TYW3: variants seen among roughly 807,000 people sequenced by gnomAD.
The protein encoded by TYW3 is tRNA wybutosine-synthesizing protein 3 homolog.
TYW3 carries 26 observed loss-of-function variants against 23.1 expected under a neutral mutation model. That is an observed-to-expected ratio of 1.13 (90% CI 0.83 to 1.56). The LOEUF is 1.56. Ranked by LOEUF, TYW3 falls within the 40% of genes most tolerant of loss-of-function variation. The pLI is 0.00. For missense variants in TYW3, 316 were observed against 311.9 expected (o/e 1.01, Z -0.10); for synonymous variants, 102 against 105.7 (o/e 0.97, Z 0.21).
chr1:74,736,388 C>T, intron 1 of TYW3, 154 bp from the exon 2 acceptor site: 4 of 492,870 alleles, frequency 8.1e-6, no homozygotes, highest in Non-Finnish European at 1.4e-5. Context: ...TCTGGGTTAA[C>T]ATTACCCAAA....
intron 5 of TYW3, among the ~76,000 whole-genome samples, chr1:74,755,367 T>C (rs1648917251): frequency 1.3e-5 from 2 of 152,222 alleles, no homozygotes; most frequent in Non-Finnish European, 2.9e-5. Context: ...CCCCTGGTAA[T>C]CACTATTCTA....
At chr1:74,737,594 C>T (rs898197958) in intron 2 of TYW3, among the ~76,000 whole-genome samples, 2 of 152,108 alleles carry the variant, frequency 1.3e-5, no homozygotes, top group African/African-American at 2.4e-5. Flanking sequence ...GAAGGCAGGA[C>T]GATGTTGCCC....
At chr1:74,745,192 A>C (rs1039071229) in intron 3 of TYW3, among the ~76,000 whole-genome samples, 15 of 152,346 alleles carry the variant, frequency 9.8e-5, no homozygotes, top group Admixed American at 9.8e-4. Context: ...GTTACAGCTC[A>C]TAAGGGTAGT....
chr1:74,740,172 C>T (rs756144169), intron 3 of TYW3, among the ~76,000 whole-genome samples: 12 of 152,128 alleles, frequency 7.9e-5, no homozygotes, highest in African/African-American at 1.2e-4. Flanking sequence ...CAGATGTGTC[C>T]GGAGTTTCTT....
intron 5 of TYW3, among the ~76,000 whole-genome samples, chr1:74,758,475 A>G (rs1649024759): frequency 6.8e-6 from 1 of 147,888 alleles, no homozygotes; most frequent in South Asian, 2.2e-4. Flanking sequence ...CATGGTTCTG[A>G]TTCTTATCGT....
chr1:74,752,745 A>C (rs143913557), intron 5 of TYW3, among the ~76,000 whole-genome samples: 327 of 152,256 alleles, frequency 2.1e-3, no homozygotes, highest in African/African-American at 7.5e-3. Flanking sequence ...ACTGTAACTG[A>C]TCAATTTGAA....
At chr1:74,759,550 CTAAA>C (rs1256242660) in intron 5 of TYW3, among the ~76,000 whole-genome samples, 1 of 151,958 alleles carries the variant, frequency 6.6e-6, no homozygotes, top group Non-Finnish European at 1.5e-5. Flanking sequence ...TCTAAAACAG[CTAAA>C]TAAATAACAC....
Position 74,735,370 on chromosome 1 carries a change from T to C in TYW3, c.175-1172T>C, listed in dbSNP as rs1648116368. 2.0e-5 allele frequency among the ~76,000 whole-genome samples: 3 copies of C among 152,308 alleles called. No individual in the cohort carries two copies. The South Asian group carries it at 6.2e-4, about 32-fold the overall frequency. ...AAATGTTTTCCTATCTCTGCATATC[T>C]GAGACATGATTCCCAAAACTCCCCT... On this transcript the variant is annotated intron_variant, in intron 1 of 5. Transcript: ENST00000370867.
At chr1:74,745,375 C>A (rs1219594845) in intron 3 of TYW3, among the ~76,000 whole-genome samples, 1 of 152,164 alleles carries the variant, frequency 6.6e-6, no homozygotes, top group Non-Finnish European at 1.5e-5. Context: ...TTACAGAGAG[C>A]TGATTGGTCC....
chr1:74,754,335 A>T (rs1343371974), intron 5 of TYW3, among the ~76,000 whole-genome samples: 1 of 152,220 alleles, frequency 6.6e-6, no homozygotes, highest in East Asian at 1.9e-4. Flanking sequence ...TATAATGTGC[A>T]TGCTGCCATT....
At chr1:74,753,255 T>C (rs949717742) in intron 5 of TYW3, among the ~76,000 whole-genome samples, 1 of 152,182 alleles carries the variant, frequency 6.6e-6, no homozygotes, top group African/African-American at 2.4e-5. Flanking sequence ...GAATATCTCT[T>C]CAGTCATTCT....
intron 5 of TYW3, among the ~76,000 whole-genome samples, chr1:74,754,519 T>C (rs545671079): frequency 1.4e-4 from 21 of 152,200 alleles, no homozygotes; most frequent in African/African-American, 5.1e-4. Context: ...TCTTCTGATG[T>C]TGAAAAGAGA....
chr1:74,749,748 C>T (rs1207485088), intron 4 of TYW3, among the ~76,000 whole-genome samples: 1 of 152,072 alleles, frequency 6.6e-6, no homozygotes, highest in African/African-American at 2.4e-5. Flanking sequence ...AGGCGAATCA[C>T]GAGGTCAAGA....
intron 4 of TYW3, among the ~76,000 whole-genome samples, chr1:74,751,777 G>C (rs548561948): frequency 3.3e-5 from 5 of 152,052 alleles, no homozygotes; most frequent in Non-Finnish European, 5.9e-5. Context: ...CCTCTACTTG[G>C]AACATGTTGA....
At chr1:74,743,572 T>C (rs901894212) in intron 3 of TYW3, among the ~76,000 whole-genome samples, 8 of 152,298 alleles carry the variant, frequency 5.3e-5, no homozygotes, top group African/African-American at 1.9e-4. Flanking sequence ...CCCTGAGTTA[T>C]GGTGGACATC....
Position 74,764,283 on chromosome 1 carries a change from C to T in TYW3, c.*170C>T, listed in dbSNP as rs1251589509. 2 of 574,528 alleles carry T rather than the reference C, an allele frequency of 3.5e-6. No homozygotes were observed. Among genetic ancestry groups the T allele is most frequent in the Non-Finnish European group, 6.0e-6 (2 of 335,604 alleles). The allele number at this position is 574,528 out of a possible 1,614,324, so 35.6% of individuals were successfully genotyped here. ...TGCCCAGAGGATGTGCAGTTGTCATCTAAGCTCTCAGCAGTACCCGGCTTA... is the reference window on the plus strand; with the variant it reads ...TGCCCAGAGGATGTGCAGTTGTCATTTAAGCTCTCAGCAGTACCCGGCTTA... On this transcript the variant is annotated 3_prime_UTR_variant, in exon 6 of 6. Coordinates refer to ENST00000370867, the MANE Select transcript of TYW3 (RefSeq NM_138467.3).
chr1:74,759,290 G>A (rs1213432212), intron 5 of TYW3, among the ~76,000 whole-genome samples: 1 of 152,066 alleles, frequency 6.6e-6, no homozygotes, highest in Non-Finnish European at 1.5e-5. Context: ...GGGTAACACA[G>A]AGAAGGAGGA....
At chr1:74,739,239 G>A (rs1648265391) in intron 3 of TYW3, among the ~76,000 whole-genome samples, 1 of 151,958 alleles carries the variant, frequency 6.6e-6, no homozygotes, top group African/African-American at 2.4e-5. Flanking sequence ...TGCATTTTAA[G>A]CAACAATAAT....
At chr1:74,754,405 A>AGATAC (rs1486941958) in intron 5 of TYW3, among the ~76,000 whole-genome samples, 1 of 152,216 alleles carries the variant, frequency 6.6e-6, no homozygotes, top group African/African-American at 2.4e-5. Context: ...AAATGTCTTA[A>AGATAC]GATACTGATT....
Sources: gnomAD v4.1 joint callset for allele counts (sites outside exome capture counted in the v4.1 genomes callset) on GRCh38, gnomAD v4.1.1 for gene constraint, MANE v1.5 for transcripts, NCBI Gene and HGNC (gene_info 2026-07-23, HGNC 2026-07-21) for gene names.